TACR1: variants seen among roughly 807,000 people sequenced by gnomAD.
TACR1 encodes the protein tachykinin receptor 1.
In TACR1, 25 loss-of-function variants were observed where a neutral mutation model predicts 35.8. That is an observed-to-expected ratio of 0.70 (90% confidence interval 0.51 to 0.98). The LOEUF (loss-of-function observed/expected upper bound fraction) is 0.98, where lower values mean the gene tolerates loss of function less well. Among genes scored for constraint, TACR1 ranks in the 50% least tolerant of loss-of-function variants. The pLI, the probability that TACR1 is intolerant of heterozygous loss-of-function variation, is 0.00. For synonymous variants in TACR1, 195 were observed against 206.7 expected, an observed-to-expected ratio of 0.94 and a Z score of 0.48; for missense variants, 478 against 522.9, an observed-to-expected ratio of 0.91 and a Z score of 0.84.
chr2:75,074,693 TC>T (rs139800294), intron 2 of TACR1, among the ~76,000 whole-genome samples: 1,544 of 152,100 alleles, frequency 0.01, 19 homozygotes, highest in African/African-American at 0.035. Flanking sequence ...ATTTTTTTTT[TC>T]TTCCAGGCAA....
intron 2 of TACR1, among the ~76,000 whole-genome samples, chr2:75,074,011 C>A (rs576014332): frequency 6.6e-6 from 1 of 152,220 alleles, no homozygotes; most frequent in South Asian, 2.1e-4. Context: ...TTGCCCAAAT[C>A]AAAAATGTAT....
At chr2:75,142,034 G>T (rs1309964624) in intron 1 of TACR1, among the ~76,000 whole-genome samples, 1 of 152,194 alleles carries the variant, frequency 6.6e-6, no homozygotes, top group Non-Finnish European at 1.5e-5. Context: ...AAATGATTCT[G>T]TGACAATCTG....
chr2:75,149,783 A>G (rs1349003691), intron 1 of TACR1, among the ~76,000 whole-genome samples: 1 of 152,154 alleles, frequency 6.6e-6, no homozygotes, highest in Non-Finnish European at 1.5e-5. Context: ...TATGTTGAAT[A>G]GGAGTGGTGA....
intron 1 of TACR1, among the ~76,000 whole-genome samples, chr2:75,193,142 T>C (rs1675891180): frequency 1.3e-5 from 2 of 152,168 alleles, no homozygotes; most frequent in Non-Finnish European, 2.9e-5. Flanking sequence ...GTCTTTCCCA[T>C]ATTCCCAAGG....
At chr2:75,097,662 C>CA (rs1435558292) in intron 2 of TACR1, among the ~76,000 whole-genome samples, 1 of 152,212 alleles carries the variant, frequency 6.6e-6, no homozygotes, top group East Asian at 1.9e-4. Flanking sequence ...CATCTGACCA[C>CA]TGTCCATGCC....
At chr2:75,146,406 A>G (rs1674514880) in intron 1 of TACR1, among the ~76,000 whole-genome samples, 1 of 152,220 alleles carries the variant, frequency 6.6e-6, no homozygotes, top group Non-Finnish European at 1.5e-5. Flanking sequence ...TACAGGAATG[A>G]GTCACCATGC....
At position 75,144,766 on chromosome 2, in the gene TACR1, A is replaced by G. The variant is rs575573354; in HGVS notation, c.390-23998T>C. On this transcript the variant is annotated intron_variant, in intron 1 of 4. Transcript: ENST00000305249. ...AAAAAATTAAATGTGAATTTATCTTATAAATTTGTGAATTCAAATTTTAAA... is the reference window on the plus strand; with the variant it reads ...AAAAAATTAAATGTGAATTTATCTTGTAAATTTGTGAATTCAAATTTTAAA... Among the ~76,000 whole-genome samples, 271 of 152,356 alleles carry G rather than the reference A, an allele frequency of 1.8e-3. 1 individual carries two copies. Among genetic ancestry groups the G allele is most frequent in the African/African-American group, 6.2e-3 (257 of 41,584 alleles).
intron 1 of TACR1, among the ~76,000 whole-genome samples, chr2:75,175,906 CCATATA>C (rs992554715): frequency 2.0e-5 from 3 of 150,936 alleles, no homozygotes; most frequent in Non-Finnish European, 4.4e-5. Context: ...AAGCTAACTA[CCATATA>C]CATCAAAGAA....
At chr2:75,195,326 C>T (rs1288109203) in intron 1 of TACR1, among the ~76,000 whole-genome samples, 4 of 151,314 alleles carry the variant, frequency 2.6e-5, no homozygotes, top group South Asian at 2.1e-4. Context: ...TATTTCTTCC[C>T]TCCCCTCCTC....
At chr2:75,129,702 T>C (rs190379661) in intron 1 of TACR1, among the ~76,000 whole-genome samples, 5 of 152,346 alleles carry the variant, frequency 3.3e-5, no homozygotes, top group South Asian at 2.1e-4. Context: ...ATCCATTCCA[T>C]TGGGCCTGGC....
intron 2 of TACR1, among the ~76,000 whole-genome samples, chr2:75,089,462 C>G (rs146361027): frequency 6.6e-6 from 1 of 152,120 alleles, no homozygotes; most frequent in Non-Finnish European, 1.5e-5. Flanking sequence ...ATTGAGATTA[C>G]GTTAAACATG....
intron 2 of TACR1, among the ~76,000 whole-genome samples, chr2:75,070,140 T>C (rs193143708): frequency 6.6e-6 from 1 of 152,344 alleles, no homozygotes; most frequent in East Asian, 1.9e-4. Context: ...TTCAATATTA[T>C]GTCATTTATT....
At chr2:75,099,487 A>G (rs781006895) in intron 2 of TACR1, among the ~76,000 whole-genome samples, 5 of 151,940 alleles carry the variant, frequency 3.3e-5, no homozygotes. Flanking sequence ...CCATCAATCT[A>G]ATCACTCCTA....
intron 1 of TACR1, among the ~76,000 whole-genome samples, chr2:75,121,116 C>T (rs1673963338): frequency 6.6e-6 from 1 of 152,120 alleles, no homozygotes; most frequent in Non-Finnish European, 1.5e-5. Context: ...TAAATTTATT[C>T]AATGTAAAGA....
chr2:75,183,963 G>A (rs546286545), intron 1 of TACR1, among the ~76,000 whole-genome samples: 4 of 152,252 alleles, frequency 2.6e-5, no homozygotes, highest in East Asian at 3.9e-4. Context: ...ACTGAAGTTC[G>A]CTTATTTCAG....
chr2:75,050,488 C>G (rs574171015), intron 4 of TACR1, among the ~76,000 whole-genome samples: 1 of 152,290 alleles, frequency 6.6e-6, no homozygotes, highest in East Asian at 1.9e-4. Flanking sequence ...TGGTGGTGCT[C>G]TGGATGACAG....
intron 1 of TACR1, among the ~76,000 whole-genome samples, chr2:75,127,178 A>G (rs1674090449): frequency 6.6e-6 from 1 of 152,100 alleles, no homozygotes; most frequent in Admixed American, 6.6e-5. Flanking sequence ...GGTCACTAAC[A>G]TTTCATCAGT....
chr2:75,112,917 G>C (rs1673778906), intron 2 of TACR1, among the ~76,000 whole-genome samples: 1 of 152,000 alleles, frequency 6.6e-6, no homozygotes, highest in African/African-American at 2.4e-5. Context: ...GTTTTAATTG[G>C]GATGTTTGCA....
intron 1 of TACR1, chr2:75,154,410 GCACACACACACACACACACACACA>G (rs766455987): frequency 1.3e-5 from 1 of 75,364 alleles, no homozygotes; most frequent in South Asian, 4.8e-4. Context: ...GAGCGCGCAC[GCACACACACACACACACACACACA>G]CACACACACA....
Sources: allele counts gnomAD v4.1 joint callset (sites outside exome capture counted in the v4.1 genomes callset), GRCh38; gene constraint gnomAD v4.1.1; transcripts MANE v1.5; gene names NCBI Gene and HGNC (gene_info 2026-07-23, HGNC 2026-07-21).